The following BBOF1 variants were observed in gnomAD, a reference collection of about 807,000 sequenced individuals.
BBOF1 encodes basal body orientation factor 1.
A neutral mutation model predicts 68.0 loss-of-function variants in BBOF1; 62 were observed. The observed-to-expected ratio is 0.91, with a 90% CI of 0.74 to 1.13. The LOEUF is 1.13. Ranked by LOEUF, BBOF1 falls within the 50% of genes most tolerant of loss-of-function variation. The pLI is 0.00. For missense variants in BBOF1, 534 were observed against 600.1 expected, an observed-to-expected ratio of 0.89 and a Z score of 1.15; for synonymous variants, 208 against 198.8, an observed-to-expected ratio of 1.05 and a Z score of -0.39.
intron 4 of BBOF1, among the ~76,000 whole-genome samples, chr14:74,037,543 G>C (rs1433555399): frequency 2.0e-5 from 3 of 150,106 alleles, no homozygotes; most frequent in Non-Finnish European, 3.0e-5. Flanking sequence ...GCCTGCCTGG[G>C]CCTCACAAAG....
intron 11 of BBOF1, among the ~76,000 whole-genome samples, chr14:74,062,577 G>C (rs896171611): frequency 6.6e-6 from 1 of 151,850 alleles, no homozygotes; most frequent in Non-Finnish European, 1.5e-5. Context: ...CTCCAGCCTG[G>C]GTGACAGAGA....
intron 11 of BBOF1, among the ~76,000 whole-genome samples, chr14:74,062,052 A>G (rs7140223): frequency 0.31 from 19,888 of 63,600 alleles, 1,353 homozygotes; most frequent in East Asian, 0.56. Context: ...CTCTACTGGG[A>G]AAAAAAAAAA....
In BBOF1 at chr14:74,063,465, G is replaced by A. The variant is rs372508866; in HGVS notation, c.1579-1223G>A. ...CTCCCAAAGTGCTGGGATTACAGGCGTAAGCCACTGCACCTGGCCAATAGT... is the reference window on the plus strand; with the variant it reads ...CTCCCAAAGTGCTGGGATTACAGGCATAAGCCACTGCACCTGGCCAATAGT... On this transcript the variant is annotated intron_variant, in intron 11 of 11. Transcript: ENST00000394009. Among the ~76,000 whole-genome samples, 382 of 152,050 alleles carry A rather than the reference G, an allele frequency of 2.5e-3. 1 individual carries two copies. Among genetic ancestry groups the A allele is most frequent in the African/African-American group, 5.2e-3 (214 of 41,498 alleles).
chr14:74,070,549 G>T (rs1004767083), downstream of BBOF1, among the ~76,000 whole-genome samples: 12 of 152,136 alleles, frequency 7.9e-5, no homozygotes, highest in Admixed American at 5.2e-4. Context: ...TTCCTCAATG[G>T]TGACTATGTA....
intron 9 of BBOF1, chr14:74,072,372 G>T (rs1376714392): frequency 3.7e-6 from 6 of 1,614,136 alleles, no homozygotes; most frequent in Non-Finnish European, 5.1e-6. Context: ...GGCCTGATGA[G>T]AAAAATAAGC....
intron 8 of BBOF1, chr14:74,055,138 TTTTCTTTTTTTC>T (rs2060161721): frequency 6.3e-6 from 1 of 158,956 alleles, no homozygotes; most frequent in Non-Finnish European, 1.4e-5. Context: ...TGCTTTGTAG[TTTTCTTTTTTTC>T]TTTCTTTTTT....
At chr14:74,029,332 G>A in intron 3 of BBOF1, 83 bp downstream of exon 3, 3 of 815,982 alleles carry the variant, frequency 3.7e-6, no homozygotes, top group Non-Finnish European at 6.1e-6. Context: ...CCCAATGACA[G>A]TGAGTGAGTA....
Position 74,019,464 on chromosome 14 carries a change from C to G in BBOF1, c.-15C>G, listed in dbSNP as rs778274148. 1 of 1,600,632 alleles carries G rather than the reference C, an allele frequency of 6.2e-7. No homozygotes were observed. Among genetic ancestry groups the G allele is most frequent in the Admixed American group, 1.7e-5 (1 of 58,224 alleles). ...GCTGGGCAACTACGACAGCGGAGCC[C>G]CTGGGGAAGCCAAGATGCCGTCGAA... On this transcript the variant is annotated 5_prime_UTR_variant, in exon 1 of 12. Coordinates refer to ENST00000394009, the MANE Select transcript of BBOF1 (RefSeq NM_025057.3).
At chr14:74,067,677 C>T (rs2060489678), downstream of BBOF1, 23 of 1,189,512 alleles carry the variant, frequency 1.9e-5, no homozygotes, top group Non-Finnish European at 2.6e-5. Flanking sequence ...AATCCCAGCA[C>T]TTTGGAAGGC....
chr14:74,028,281 A>G (rs773697698), intron 2 of BBOF1, among the ~76,000 whole-genome samples: 2 of 152,108 alleles, frequency 1.3e-5, no homozygotes, highest in African/African-American at 2.4e-5. Context: ...AGGCAGGAGA[A>G]TTGCTTTAGC....
rs1355009885 is a variant in BBOF1, at chr14:74,065,579, C to G, written c.*880C>G. On this transcript the variant is annotated 3_prime_UTR_variant, in exon 12 of 12. Coordinates refer to ENST00000394009, the MANE Select transcript of BBOF1 (RefSeq NM_025057.3). Reference sequence around the variant, plus strand: ...CATATAAACAACTTGGAATTCCTATCAACAATAACCACACTTCCTTTAAGG... The same window carrying G: ...CATATAAACAACTTGGAATTCCTATGAACAATAACCACACTTCCTTTAAGG... The G allele has an allele frequency of 3.6e-6, 2 of 554,158 alleles. No homozygotes were observed. The highest frequency in any genetic ancestry group is 6.4e-6 in the Non-Finnish European group (2 of 310,660). The allele number at this position is 554,158 out of a possible 1,614,324, so 34.3% of individuals were successfully genotyped here.
intron 4 of BBOF1, among the ~76,000 whole-genome samples, chr14:74,038,323 C>T (rs2059755801): frequency 2.0e-5 from 3 of 152,174 alleles, no homozygotes; most frequent in Admixed American, 1.3e-4. Flanking sequence ...TTTTCATGAA[C>T]TCTTAAAATA....
At chr14:74,080,501 G>A (rs2060659539) in intron 10 of BBOF1, among the ~76,000 whole-genome samples, 1 of 151,228 alleles carries the variant, frequency 6.6e-6, no homozygotes, top group South Asian at 2.1e-4. Flanking sequence ...CCAAGTACCT[G>A]GGACCACAGG....
In BBOF1 at chr14:74,029,218, A is replaced by G; in HGVS notation, c.320A>G (p.Lys107Arg). The G allele has an allele frequency of 1.3e-6, 2 of 1,562,862 alleles. No homozygotes were observed. Among genetic ancestry groups the G allele is most frequent in the Admixed American group, 1.9e-5 (1 of 52,382 alleles). Residue 107 changes from lysine to arginine, a missense_variant, in exon 3 of 12, where the codon AAG (lysine) becomes AGG (arginine). By Grantham distance (26) the Lys-to-Arg change is conservative. Coordinates refer to ENST00000394009, the MANE Select transcript of BBOF1 (RefSeq NM_025057.3). ...CTGAAACAGCAATTAAATGAAACAA[A>G]GGAAAAAGCCCAAGAGGAGAAGGAT... is the stretch of plus-strand genomic sequence containing the variant. ...EKLKQQLNET[K>R]EKAQEEKDKL...
chr14:74,019,377 T>G lies in BBOF1; in HGVS notation c.-102T>G, dbSNP rs1594986104. 1.4e-6 allele frequency: 2 copies of G among 1,413,668 alleles called. No individual in the cohort carries two copies. Among genetic ancestry groups the G allele is most frequent in the South Asian group, 1.4e-5 (1 of 72,182 alleles). 87.6% of individuals were successfully genotyped at this position (1,413,668 alleles called of 1,614,324 possible). ...CTCCGCGCGCCGTCAGCGGCGCGGG[T>G]GGGGCATTGCCAGCTCGGCGTCCCG... On this transcript the variant is annotated 5_prime_UTR_variant, in exon 1 of 12. Coordinates refer to ENST00000394009, the MANE Select transcript of BBOF1 (RefSeq NM_025057.3).
Position 74,055,583 on chromosome 14 carries a change from G to A in BBOF1, c.1287-1G>A. 1.9e-6 allele frequency: 3 copies of A among 1,604,956 alleles called. No individual in the cohort carries two copies. The highest frequency in any genetic ancestry group is 2.6e-6 in the Non-Finnish European group (3 of 1,172,802). On this transcript the variant is annotated splice_acceptor_variant, in intron 8 of 11. Transcript: ENST00000394009. LOFTEE classifies it high-confidence loss of function. ...CATTTTTTTCCTTTGAAATTCTTTA[G>A]GACACATATTGAAGGAAATGTGGAT...
In BBOF1 at chr14:74,049,805, T is replaced by C. The variant is rs745982115; in HGVS notation, c.896T>C (p.Leu299Pro). ...AAGGTAGTAAACTTGGAGACTGCTC[T>C]GAGTTACATGACCAAAGAGTTTGAG... ...QKKVVNLETALSYMTKEFESE... is the reference protein window; with the variant it reads ...QKKVVNLETAPSYMTKEFESE... Residue 299 changes from leucine to proline, a missense_variant, in exon 8 of 12, where the codon CTG becomes CCG. Coordinates refer to ENST00000394009, the MANE Select transcript of BBOF1 (RefSeq NM_025057.3). 1.2e-6 allele frequency: 2 copies of C among 1,614,206 alleles called. No homozygotes were observed. The highest frequency in any genetic ancestry group is 4.5e-5 in the East Asian group (2 of 44,888).
At chr14:74,053,506 C>T (rs796333123) in intron 8 of BBOF1, among the ~76,000 whole-genome samples, 21 of 151,522 alleles carry the variant, frequency 1.4e-4, no homozygotes, top group East Asian at 1.4e-3. Context: ...TGGGCCCAAG[C>T]GATCCTCCCA....
intron 5 of BBOF1, among the ~76,000 whole-genome samples, chr14:74,044,869 G>A (rs111233106): frequency 0.055 from 8,402 of 152,192 alleles, 704 homozygotes; most frequent in African/African-American, 0.18. Flanking sequence ...AGGTTGCAGT[G>A]AGCTGAGATC....
Sources: gnomAD v4.1 joint callset for allele counts (sites outside exome capture counted in the v4.1 genomes callset) on GRCh38, gnomAD v4.1.1 for gene constraint, MANE v1.5 for transcripts, NCBI Gene and HGNC (gene_info 2026-07-23, HGNC 2026-07-21) for gene names.